Variants in CADPS observed in about 807,000 individuals in gnomAD.
The protein encoded by CADPS is calcium dependent secretion activator.
CADPS carries 57 observed loss-of-function variants against 167.3 expected under a neutral mutation model. That is an observed-to-expected ratio of 0.34 (90% confidence interval 0.28 to 0.42). CADPS has a LOEUF of 0.42. CADPS is among the 20% of genes least tolerant of loss of function. The pLI, the probability that CADPS is intolerant of heterozygous loss-of-function variation, is 1.00. For missense variants in CADPS, 1,414 were observed against 1,738.1 expected, an observed-to-expected ratio of 0.81 and a Z score of 3.32; for synonymous variants, 676 against 635.3, an observed-to-expected ratio of 1.06 and a Z score of -0.96.
intron 1 of CADPS, among the ~76,000 whole-genome samples, chr3:62,849,213 C>T (rs543495157): frequency 2.0e-5 from 3 of 149,170 alleles, no homozygotes; most frequent in Non-Finnish European, 4.5e-5. Context: ...ACAATCATGT[C>T]GTCTGCAAAC....
intron 8 of CADPS, among the ~76,000 whole-genome samples, chr3:62,583,963 GT>G (rs1362965887): frequency 6.6e-6 from 1 of 151,268 alleles, no homozygotes; most frequent in Non-Finnish European, 1.5e-5. Flanking sequence ...CTGAAATTGG[GT>G]TTGTGAATTC....
intron 13 of CADPS, among the ~76,000 whole-genome samples, chr3:62,523,185 T>A (rs569988652): frequency 3.4e-4 from 51 of 152,162 alleles, no homozygotes; most frequent in African/African-American, 1.2e-3. Context: ...TAGAGTTGCA[T>A]TTTTCTTTTT....
At chr3:62,507,266 C>A (rs58073609) in intron 17 of CADPS, among the ~76,000 whole-genome samples, 2,032 of 152,222 alleles carry the variant, frequency 0.013, 33 homozygotes, top group African/African-American at 0.047. Flanking sequence ...TACATCATGC[C>A]CTTCTCTGGC....
chr3:62,849,493 T>C (rs1290573874), intron 1 of CADPS, among the ~76,000 whole-genome samples: 2 of 109,788 alleles, frequency 1.8e-5, no homozygotes, highest in Admixed American at 8.8e-5. Flanking sequence ...TGAAGGGTTG[T>C]TGAATTTTAT....
At chr3:62,793,632 G>A (rs2093139606) in intron 1 of CADPS, among the ~76,000 whole-genome samples, 1 of 152,152 alleles carries the variant, frequency 6.6e-6, no homozygotes, top group African/African-American at 2.4e-5. Flanking sequence ...GATTAGGGAT[G>A]GGCTTACTTT....
In CADPS at chr3:62,667,845, C is replaced by T. The variant is rs373248619; in HGVS notation, c.889-5451G>A. Among the ~76,000 whole-genome samples, 15 of 151,854 alleles carry T rather than the reference C, an allele frequency of 9.9e-5. No individual in the cohort carries two copies. The South Asian group carries it at 1.0e-3, about 11-fold the overall frequency. On this transcript the variant is annotated intron_variant, in intron 3 of 29. Transcript: ENST00000383710. ...CAATCCCACTATGCAAATAGGTCTA[C>T]GTATCAGCAAAATGATTCACACCTG...
At chr3:62,405,460 A>AT (rs11373843) in intron 28 of CADPS, among the ~76,000 whole-genome samples, 36,429 of 150,632 alleles carry the variant, frequency 0.24, 5,216 homozygotes, top group East Asian at 0.39. Context: ...AAAAAAAAAA[A>AT]AAAATAAAAT....
chr3:62,454,583 A>G (rs1043265998), intron 26 of CADPS, among the ~76,000 whole-genome samples: 16 of 152,176 alleles, frequency 1.1e-4, no homozygotes, highest in African/African-American at 3.9e-4. Context: ...TCCTACCATG[A>G]CTGTGGAAGT....
chr3:62,507,178 A>T (rs1460993249), intron 17 of CADPS, among the ~76,000 whole-genome samples: 7 of 152,094 alleles, frequency 4.6e-5, no homozygotes, highest in Admixed American at 2.0e-4. Context: ...ATCTGGAGGG[A>T]TGATGAATAG....
chr3:62,627,324 T>C (rs568772514), intron 6 of CADPS, among the ~76,000 whole-genome samples: 1 of 152,166 alleles, frequency 6.6e-6, no homozygotes, highest in Non-Finnish European at 1.5e-5. Context: ...CTTTTTAATT[T>C]TCTAGTGCTT....
chr3:62,752,393 G>C (rs1391993641), intron 3 of CADPS, among the ~76,000 whole-genome samples: 1 of 152,198 alleles, frequency 6.6e-6, no homozygotes, highest in Non-Finnish European at 1.5e-5. Context: ...ATCTTTGAAT[G>C]TGATGCATGT....
Position 62,874,687 on chromosome 3 carries a change from TCTC to T in CADPS, c.340_342del (p.Glu114del), listed in dbSNP as rs754834362. 117 of 1,553,152 alleles carry T rather than the reference TCTC, an allele frequency of 7.5e-5. 1 individual carries two copies. The highest frequency in any genetic ancestry group is 6.3e-4 in the East Asian group (26 of 41,108). On this transcript the variant is annotated inframe_deletion, in exon 1 of 30. Coordinates refer to ENST00000383710, the MANE Select transcript of CADPS (RefSeq NM_003716.4). The surrounding 1 kb of genome is among the most constrained non-coding windows in gnomAD (Gnocchi z 7.1). ...ACATACAGCTGCAGCCTCTTCTTCCTCTCCTCCTCCTCTTTCTGCAGCCGCTCC... is the reference window on the plus strand; with the variant it reads ...ACATACAGCTGCAGCCTCTTCTTCCTCTCCTCCTCTTTCTGCAGCCGCTCC...
intron 1 of CADPS, among the ~76,000 whole-genome samples, chr3:62,802,080 A>C (rs1203662235): frequency 6.6e-6 from 1 of 152,134 alleles, no homozygotes; most frequent in Non-Finnish European, 1.5e-5. Flanking sequence ...CTACACAGCA[A>C]AAGTCTGTTC....
intron 1 of CADPS, among the ~76,000 whole-genome samples, chr3:62,766,897 A>T (rs2087028496): frequency 6.6e-6 from 1 of 152,124 alleles, no homozygotes; most frequent in East Asian, 1.9e-4. Flanking sequence ...GATGATGATT[A>T]AATTTGTTAC....
chr3:62,649,032 A>G (rs1001850376), intron 5 of CADPS, among the ~76,000 whole-genome samples: 1 of 152,202 alleles, frequency 6.6e-6, no homozygotes, highest in African/African-American at 2.4e-5. Context: ...AGAAAAACAA[A>G]TTACCTGCAG....
intron 6 of CADPS, among the ~76,000 whole-genome samples, chr3:62,620,570 T>C (rs1382297276): frequency 6.6e-6 from 1 of 152,170 alleles, no homozygotes; most frequent in Admixed American, 6.6e-5. Context: ...ACTGCTTCCA[T>C]GCTTTAGAAC....
chr3:62,800,847 T>G (rs1042212483), intron 1 of CADPS, among the ~76,000 whole-genome samples: 7 of 152,212 alleles, frequency 4.6e-5, no homozygotes, highest in Admixed American at 4.6e-4. Flanking sequence ...AAAACATTCG[T>G]TCTCGATGTC....
intron 3 of CADPS, among the ~76,000 whole-genome samples, chr3:62,676,318 T>C (rs967296881): frequency 6.6e-6 from 1 of 152,172 alleles, no homozygotes; most frequent in East Asian, 1.9e-4. Context: ...GTTCAATATA[T>C]ATTTGTTGAG....
intron 5 of CADPS, among the ~76,000 whole-genome samples, chr3:62,648,368 G>A (rs2069074597): frequency 6.6e-6 from 1 of 152,198 alleles, no homozygotes; most frequent in South Asian, 2.1e-4. Flanking sequence ...GTAATATCGA[G>A]TACTGACAAA....
Sources: allele counts gnomAD v4.1 joint callset (sites outside exome capture counted in the v4.1 genomes callset), GRCh38; gene constraint gnomAD v4.1.1; non-coding constraint Gnocchi (gnomAD v3.1); transcripts MANE v1.5; gene names NCBI Gene and HGNC (gene_info 2026-07-23, HGNC 2026-07-21).